Variants in RAB3B observed in about 807,000 individuals in gnomAD.
The protein encoded by RAB3B is RAB3B, member RAS oncogene family.
A neutral mutation model predicts 20.5 loss-of-function variants in RAB3B; 11 were observed. The observed-to-expected ratio is 0.54, with a 90% CI of 0.34 to 0.89. The LOEUF (loss-of-function observed/expected upper bound fraction) is 0.89, where lower values mean the gene tolerates loss of function less well. RAB3B is among the 40% of genes least tolerant of loss of function. The pLI, the probability that RAB3B is intolerant of heterozygous loss-of-function variation, is 0.02. For synonymous variants in RAB3B, 99 were observed against 106.3 expected (o/e 0.93, Z 0.42); for missense variants, 225 against 280.9 (o/e 0.80, Z 1.42).
intron 4 of RAB3B, 67 bp from the exon 5 acceptor site, chr1:51,920,181 C>CA (rs1684153677): frequency 1.4e-6 from 2 of 1,411,898 alleles, no homozygotes; most frequent in Admixed American, 4.1e-5. Context: ...TCTGTGCCCT[C>CA]AGCCCAAGCA....
At chr1:51,923,242 G>A (rs1473815954) in intron 4 of RAB3B, among the ~76,000 whole-genome samples, 1 of 152,156 alleles carries the variant, frequency 6.6e-6, no homozygotes, top group Non-Finnish European at 1.5e-5. Context: ...ATGGGCCAGG[G>A]GTCTATCCCT....
chr1:51,964,643 G>T (rs944310987), intron 2 of RAB3B, among the ~76,000 whole-genome samples: 1 of 152,090 alleles, frequency 6.6e-6, no homozygotes, highest in Non-Finnish European at 1.5e-5. Flanking sequence ...CCCCATCTCA[G>T]TTAGAGGAAT....
At chr1:51,980,743 GC>G in intron 1 of RAB3B, 1 of 755,434 alleles carries the variant, frequency 1.3e-6, no homozygotes. Context: ...ATCTCATGAA[GC>G]CCGCAAGGAC....
At position 51,910,010 on chromosome 1, in the gene RAB3B, A is replaced by G. The variant is rs61780720; in HGVS notation, c.*9917T>C. On this transcript the variant is annotated 3_prime_UTR_variant, in exon 5 of 5. Transcript: ENST00000371655. ...TTTAATCCTTTCAACAGCCTTGTGA[A>G]GTAGATAGTATTACTTCATTTACAT... 5,155 of 152,222 alleles carry G rather than the reference A, an allele frequency of 0.034. 121 individuals are homozygous for G. The highest frequency in any genetic ancestry group is 0.13 in the Middle Eastern group (38 of 294). 9.4% of individuals were successfully genotyped at this position (152,222 alleles called of 1,614,324 possible). A position where few individuals can be genotyped will look rare whatever the true frequency, so the allele number is the denominator to read the frequency against.
chr1:51,974,751 T>C (rs1684984623), intron 2 of RAB3B, among the ~76,000 whole-genome samples: 1 of 152,204 alleles, frequency 6.6e-6, no homozygotes, highest in Non-Finnish European at 1.5e-5. Flanking sequence ...TTTCTTATCC[T>C]GCAAAACAGG....
chr1:51,933,550 T>C, intron 3 of RAB3B, 108 bp from the exon 4 acceptor site: 1 of 1,081,904 alleles, frequency 9.2e-7, no homozygotes, highest in Non-Finnish European at 1.3e-6. Flanking sequence ...TGTAATGGTA[T>C]TTGGAGGTGG....
chr1:51,943,315 C>T (rs756589986), intron 2 of RAB3B, among the ~76,000 whole-genome samples: 54 of 151,928 alleles, frequency 3.6e-4, no homozygotes, highest in African/African-American at 2.7e-4. Context: ...ACCCAGGAGG[C>T]GGAGGCTGCA....
intron 4 of RAB3B, among the ~76,000 whole-genome samples, chr1:51,920,424 A>T (rs757082167): frequency 3.0e-4 from 45 of 152,222 alleles, no homozygotes; most frequent in Admixed American, 3.9e-4. Context: ...CCTACTTCAT[A>T]GAATTATTTC....
Position 51,911,998 on chromosome 1 carries a change from T to C in RAB3B, c.*7929A>G, listed in dbSNP as rs77922085. On this transcript the variant is annotated 3_prime_UTR_variant, in exon 5 of 5. Transcript: ENST00000371655. ...AGGAAATGATTTACCAGAGATCCTA[T>C]AGCAAGTTAGGAGCGGACTCAGGGC... 6.6e-6 allele frequency: 1 copy of C among 152,132 alleles called. No individual in the cohort carries two copies. Among genetic ancestry groups the C allele is most frequent in the East Asian group, 1.9e-4 (1 of 5,200 alleles). 9.4% of individuals were successfully genotyped at this position (152,132 alleles called of 1,614,324 possible).
chr1:51,941,864 G>A (rs1684499689), intron 2 of RAB3B, among the ~76,000 whole-genome samples: 1 of 152,214 alleles, frequency 6.6e-6, no homozygotes, highest in Non-Finnish European at 1.5e-5. Context: ...GCTCATGAGT[G>A]AGTGGGAGGA....
chr1:51,982,656 G>A (rs1475580402), intron 1 of RAB3B, among the ~76,000 whole-genome samples: 1 of 151,972 alleles, frequency 6.6e-6, no homozygotes, highest in African/African-American at 2.4e-5. Context: ...AGGAGGCTGA[G>A]GCACAAGAAT....
Position 51,916,402 on chromosome 1 carries a change from A to G in RAB3B, c.*3525T>C, listed in dbSNP as rs542561562. On this transcript the variant is annotated 3_prime_UTR_variant, in exon 5 of 5. Transcript: ENST00000371655. ...AGAGAAAAGATTATTGGATATAGAT[A>G]CTAAAATATCCAGGCGTCATGAGGA... 6.6e-6 allele frequency: 1 copy of G among 152,380 alleles called. No homozygotes were observed. The highest frequency in any genetic ancestry group is 1.9e-4 in the East Asian group (1 of 5,192). 9.4% of individuals were successfully genotyped at this position (152,380 alleles called of 1,614,324 possible).
chr1:51,989,986 A>G (rs1395501450), intron 1 of RAB3B, among the ~76,000 whole-genome samples: 1 of 55,546 alleles, frequency 1.8e-5, no homozygotes, highest in Non-Finnish European at 3.7e-5. Context: ...CCCTCTCCCA[A>G]CCAGACACTC....
intron 3 of RAB3B, among the ~76,000 whole-genome samples, chr1:51,934,160 T>C (rs147646596): frequency 5.4e-4 from 83 of 152,368 alleles, no homozygotes; most frequent in African/African-American, 1.9e-3. Flanking sequence ...AGATCACTCA[T>C]GCTGTGTCTC....
At chr1:51,931,452 C>T (rs1006731689) in intron 4 of RAB3B, among the ~76,000 whole-genome samples, 2 of 152,144 alleles carry the variant, frequency 1.3e-5, no homozygotes, top group African/African-American at 4.8e-5. Context: ...GAAATGTAGC[C>T]TATTTCACAG....
intron 1 of RAB3B, among the ~76,000 whole-genome samples, chr1:51,982,412 CA>C (rs1420865192): frequency 1.3e-5 from 2 of 151,940 alleles, no homozygotes. Flanking sequence ...GCCTTCATCT[CA>C]AAAAAGGCCA....
At chr1:51,980,939 G>A in intron 1 of RAB3B, 3 of 369,524 alleles carry the variant, frequency 8.1e-6, no homozygotes, top group Non-Finnish European at 9.7e-6. Context: ...AATTTAAAAG[G>A]TAATACATAC....
chr1:51,928,253 TGCACCACCAC>T (rs980974162), intron 4 of RAB3B, among the ~76,000 whole-genome samples: 24 of 152,238 alleles, frequency 1.6e-4, no homozygotes, highest in African/African-American at 5.8e-4. Context: ...ATTACAGGCA[TGCACCACCAC>T]GCCTGGCTAA....
chr1:51,952,978 C>T (rs1467263121), intron 2 of RAB3B, among the ~76,000 whole-genome samples: 5 of 152,152 alleles, frequency 3.3e-5, no homozygotes, highest in African/African-American at 1.2e-4. Context: ...TGCTGGGCAT[C>T]TCCACTTAGC....
Sources: gnomAD v4.1 joint callset for allele counts (sites outside exome capture counted in the v4.1 genomes callset) on GRCh38, gnomAD v4.1.1 for gene constraint, MANE v1.5 for transcripts, NCBI Gene and HGNC (gene_info 2026-07-23, HGNC 2026-07-21) for gene names.